MTFMT: variants seen among roughly 807,000 people sequenced by gnomAD.
The protein encoded by MTFMT is methionyl-tRNA formyltransferase, mitochondrial.
A neutral mutation model predicts 51.8 loss-of-function variants in MTFMT; 47 were observed. The ratio of observed to expected loss-of-function variants is 0.91; its 90% CI spans 0.72 to 1.16. The LOEUF is 1.16. MTFMT is among the 50% of genes most tolerant of loss of function. The probability of loss-of-function intolerance (pLI) is 0.00; values close to 1 mark genes in which losing one functional copy is unlikely to be tolerated. For synonymous variants in MTFMT, 196 were observed against 176.7 expected (o/e 1.11, Z -0.87); for missense variants, 512 against 482.3 (o/e 1.06, Z -0.58).
chr15:65,027,196 C>A (rs965594590), intron 1 of MTFMT, among the ~76,000 whole-genome samples, 156 bp from the exon 2 acceptor site: 1 of 150,946 alleles, frequency 6.6e-6, no homozygotes, highest in Non-Finnish European at 1.5e-5. Flanking sequence ...TTCATTTTTT[C>A]TTTTTCTTTT....
intron 1 of MTFMT, chr15:65,029,147 G>T: frequency 4.1e-6 from 2 of 485,538 alleles, no homozygotes; most frequent in Non-Finnish European, 5.4e-6. Flanking sequence ...GCTCGGCACA[G>T]CGTGGGTGGC....
rs1442754544 is a variant in MTFMT at position 65,029,635 on chromosome 15, G to A, written c.-22C>T. ...TCATCGCCTCGGCCGCCGGCGGCCG[G>A]CCCTGCGCAGGCGCATCGGGGCGGG... On this transcript the variant is annotated 5_prime_UTR_variant, in exon 1 of 9. Coordinates refer to ENST00000220058, the MANE Select transcript of MTFMT (RefSeq NM_139242.4). 5 of 1,373,558 alleles carry A rather than the reference G, an allele frequency of 3.6e-6. No homozygotes were observed. Among genetic ancestry groups the A allele is most frequent in the Non-Finnish European group, 4.7e-6 (5 of 1,062,622 alleles). 85.1% of individuals were successfully genotyped at this position (1,373,558 alleles called of 1,614,324 possible). A position where few individuals can be genotyped will look rare whatever the true frequency, so the allele number is the denominator to read the frequency against.
intron 5 of MTFMT, among the ~76,000 whole-genome samples, chr15:65,016,937 T>C (rs1011897083): frequency 6.6e-6 from 1 of 151,958 alleles, no homozygotes; most frequent in East Asian, 1.9e-4. Flanking sequence ...TGCACTACCA[T>C]GCCTGGCTAA....
intron 6 of MTFMT, among the ~76,000 whole-genome samples, chr15:65,013,861 A>G (rs546985518): frequency 2.0e-5 from 3 of 152,098 alleles, no homozygotes; most frequent in East Asian, 3.9e-4. Flanking sequence ...TAGAATTGCT[A>G]GAGCCCAGAA....
chr15:65,014,973 C>T lies in MTFMT; in HGVS notation c.813+1463G>A, dbSNP rs530030357. On this transcript the variant is annotated intron_variant, in intron 6 of 8. Transcript: ENST00000220058. ...TTTTTGCTTACTTGTTGTCTGTCCTCCCACAACACCTGTTTCTATAGTACC... is the reference window on the plus strand; with the variant it reads ...TTTTTGCTTACTTGTTGTCTGTCCTTCCACAACACCTGTTTCTATAGTACC... Among the ~76,000 whole-genome samples, 114 of 149,360 alleles carry T rather than the reference C, an allele frequency of 7.6e-4. 1 individual carries two copies. Among genetic ancestry groups the T allele is most frequent in the African/African-American group, 2.8e-3 (113 of 40,324 alleles).
chr15:65,003,845 C>CAAAAAAAAAAAAAAAAAAAA (rs768884218), intron 8 of MTFMT, among the ~76,000 whole-genome samples: 5 of 40,642 alleles, frequency 1.2e-4, no homozygotes, highest in Non-Finnish European at 2.2e-4. Flanking sequence ...AACTCCATCT[C>CAAAAAAAAAAAAAAAAAAAA]AAAAAAAAAA....
chr15:65,019,686 C>T (rs747414260), intron 5 of MTFMT, among the ~76,000 whole-genome samples: 10 of 152,130 alleles, frequency 6.6e-5, no homozygotes, highest in Middle Eastern at 3.4e-3. Context: ...CAACTAATTA[C>T]AATTAAATCC....
At chr15:65,005,896 C>A (rs1329669337) in intron 7 of MTFMT, among the ~76,000 whole-genome samples, 1 of 152,190 alleles carries the variant, frequency 6.6e-6, no homozygotes, top group Non-Finnish European at 1.5e-5. Flanking sequence ...GCGTGAGCCA[C>A]CGCGCCTGGC....
chr15:65,003,765 A>G (rs2086197314), intron 8 of MTFMT, among the ~76,000 whole-genome samples: 2 of 143,052 alleles, frequency 1.4e-5, no homozygotes, highest in South Asian at 4.9e-4. Context: ...CGGAGGCAGG[A>G]GAATCGCTTG....
chr15:65,003,877 T>C (rs1040216370), intron 8 of MTFMT, among the ~76,000 whole-genome samples: 4 of 97,918 alleles, frequency 4.1e-5, no homozygotes, highest in Non-Finnish European at 9.8e-5. Flanking sequence ...GGGAAATACA[T>C]ATATATAGAC....
intron 2 of MTFMT, among the ~76,000 whole-genome samples, chr15:65,025,518 G>A (rs547968061): frequency 6.6e-6 from 1 of 152,348 alleles, no homozygotes; most frequent in South Asian, 2.1e-4. Flanking sequence ...CTGTAGTAAT[G>A]TAGGCGAGAG....
chr15:65,029,203 A>C (rs1595894509), intron 1 of MTFMT: 3 of 909,628 alleles, frequency 3.3e-6, no homozygotes, highest in Middle Eastern at 1.1e-3. Flanking sequence ...TGAGGGGCGC[A>C]GACCGCAGGT....
In MTFMT at chr15:65,029,479, C is replaced by A. The variant is rs2086460587; in HGVS notation, c.135G>T (p.Lys45Asn). 1.3e-6 allele frequency: 2 copies of A among 1,534,130 alleles called. No individual in the cohort carries two copies. Among genetic ancestry groups the A allele is most frequent in the Non-Finnish European group, 1.8e-6 (2 of 1,141,998 alleles). ...EDCRDSRVRE[K>N]PPWRVLFFGT... ...CGAAGAAGAGCACCCGCCAGGGAGG[C>A]TTCTCGCGGACTCTGGAGTCCCGGC... Residue 45 changes from lysine to asparagine, a missense_variant, in exon 1 of 9, where the codon AAG becomes AAT. By Grantham distance (94) the Lys-to-Asn change is moderately conservative. Coordinates refer to ENST00000220058, the MANE Select transcript of MTFMT (RefSeq NM_139242.4).
chr15:65,021,158 T>G (rs2086370820), intron 4 of MTFMT, among the ~76,000 whole-genome samples: 2 of 152,222 alleles, frequency 1.3e-5, no homozygotes. Context: ...GAAGGAAAGC[T>G]AAGAGTCGCT....
At chr15:65,003,494 A>G (rs1311295081) in intron 8 of MTFMT, among the ~76,000 whole-genome samples, 1 of 152,238 alleles carries the variant, frequency 6.6e-6, no homozygotes, top group Non-Finnish European at 1.5e-5. Context: ...CCAAGGAGCG[A>G]TAACAAATGT....
At chr15:65,021,717 T>C (rs2086375455) in intron 3 of MTFMT, 101 bp from the exon 4 acceptor site, 4 of 886,484 alleles carry the variant, frequency 4.5e-6, no homozygotes, top group South Asian at 1.9e-5. Context: ...GTGGTCTGCA[T>C]GCCTATAGTC....
At chr15:65,018,078 A>G (rs1417189974) in intron 5 of MTFMT, among the ~76,000 whole-genome samples, 1 of 152,162 alleles carries the variant, frequency 6.6e-6, no homozygotes, top group African/African-American at 2.4e-5. Context: ...TACCTTTTTA[A>G]GCTGTTTTAA....
intron 6 of MTFMT, among the ~76,000 whole-genome samples, chr15:65,008,860 A>C (rs1421145610): frequency 6.6e-6 from 1 of 152,196 alleles, no homozygotes; most frequent in African/African-American, 2.4e-5. Flanking sequence ...ACTAAAAAAG[A>C]TTTCTATTTA....
rs1407222485 is a variant in MTFMT, at chr15:65,003,875, C to CAT, written c.976-621_976-620dup. On this transcript the variant is annotated intron_variant, in intron 8 of 8. Transcript: ENST00000220058. The stretch of plus-strand genomic sequence containing the variant: ...AAAAAAAAAAAAAAAAAGGGAAATA[C>CAT]ATATATATAGACCCAGAAAAGGACA... Among the ~76,000 whole-genome samples the CAT allele has an allele frequency of 1.1e-3, 105 of 98,504 alleles. No individual in the cohort carries two copies. In the Middle Eastern group the frequency reaches 0.024, roughly 23 times the overall value. 64.6% of individuals were successfully genotyped at this position (98,504 alleles called of 152,430 possible). A position where few individuals can be genotyped will look rare whatever the true frequency, so the allele number is the denominator to read the frequency against.
Sources: gnomAD v4.1 joint callset for allele counts (sites outside exome capture counted in the v4.1 genomes callset) on GRCh38, gnomAD v4.1.1 for gene constraint, MANE v1.5 for transcripts, NCBI Gene and HGNC (gene_info 2026-07-23, HGNC 2026-07-21) for gene names.